SLCO2A1: variants seen among roughly 807,000 people sequenced by gnomAD.
The protein encoded by SLCO2A1 is solute carrier organic anion transporter family member 2A1, also known as matrin F/G 1.
Under a neutral mutation model 71.7 loss-of-function variants are expected in SLCO2A1, and 60 were observed. That is an observed-to-expected ratio of 0.84 (90% confidence interval 0.68 to 1.04). SLCO2A1 has a LOEUF of 1.04. SLCO2A1 is among the 50% of genes least tolerant of loss of function. The pLI is 0.00. For missense variants in SLCO2A1, 745 were observed against 813.4 expected (o/e 0.92, Z 1.02); for synonymous variants, 308 against 326.7 (o/e 0.94, Z 0.62).
In SLCO2A1 at chr3:133,945,348, G is replaced by GA. The variant is rs370382022; in HGVS notation, c.1296-89_1296-88insT. 5.4e-5 allele frequency: 70 copies of GA among 1,294,190 alleles called. 3 individuals carry two copies. The highest frequency in any genetic ancestry group is 2.4e-4 in the African/African-American group (16 of 66,852). The allele number at this position is 1,294,190 out of a possible 1,614,324, so 80.2% of individuals were successfully genotyped here. Reference sequence around the variant, plus strand: ...CAGCCCAGTGTGAGTTCCTGGCCTGGTGAGTGTGTCTGTGCATCTTTATTT... The same window carrying GA: ...CAGCCCAGTGTGAGTTCCTGGCCTGGATGAGTGTGTCTGTGCATCTTTATTT... On this transcript the variant is annotated intron_variant, in intron 9 of 13. Transcript: ENST00000310926.
intron 3 of SLCO2A1, among the ~76,000 whole-genome samples, chr3:133,973,377 C>G (rs1934373978): frequency 6.6e-6 from 1 of 152,192 alleles, no homozygotes; most frequent in South Asian, 2.1e-4. Context: ...CTCCTCCTGC[C>G]AAGCCCCATT....
intron 1 of SLCO2A1, among the ~76,000 whole-genome samples, chr3:133,996,723 G>A (rs76774154): frequency 1.3e-5 from 2 of 152,272 alleles, no homozygotes; most frequent in East Asian, 3.9e-4. Context: ...CAAAAGTGAT[G>A]AGCAGCCCCC....
rs1053148118 is a variant in SLCO2A1, at chr3:133,933,795, C to T, written c.*918G>A. 1 of 152,234 alleles carries T rather than the reference C, an allele frequency of 6.6e-6. No homozygotes were observed. Among genetic ancestry groups the T allele is most frequent in the African/African-American group, 2.4e-5 (1 of 41,450 alleles). The allele number at this position is 152,234 out of a possible 1,614,324, so 9.4% of individuals were successfully genotyped here. ...GACAGGGAAGTGCATGTGAAGCCAC[C>T]TCATCTGCTGCCAGGGAGATGTGGG... On this transcript the variant is annotated 3_prime_UTR_variant, in exon 14 of 14. Coordinates refer to ENST00000310926, the MANE Select transcript of SLCO2A1 (RefSeq NM_005630.3).
chr3:133,980,113 A>C (rs552675979), intron 1 of SLCO2A1, among the ~76,000 whole-genome samples: 1 of 152,310 alleles, frequency 6.6e-6, no homozygotes, highest in South Asian at 2.1e-4. Flanking sequence ...CCTGTCTTCC[A>C]TTCCCAACAC....
intron 11 of SLCO2A1, among the ~76,000 whole-genome samples, chr3:133,941,530 G>A (rs1410870168): frequency 1.3e-5 from 2 of 151,978 alleles, no homozygotes; most frequent in Admixed American, 6.6e-5. Flanking sequence ...CTTGCGAGGT[G>A]AGTGAGGACA....
intron 1 of SLCO2A1, among the ~76,000 whole-genome samples, chr3:134,013,893 C>A (rs1935389767): frequency 1.3e-5 from 2 of 152,028 alleles, no homozygotes; most frequent in African/African-American, 4.8e-5. Flanking sequence ...CCAGACATCT[C>A]CCCTCACGCA....
intron 2 of SLCO2A1, among the ~76,000 whole-genome samples, chr3:133,977,024 G>A (rs969490599): frequency 3.3e-5 from 5 of 152,090 alleles, no homozygotes; most frequent in African/African-American, 7.2e-5. Context: ...GAGGTTCACC[G>A]CACACTCCAC....
rs1455539758 is a variant in SLCO2A1 at position 133,958,533 on chromosome 3, T to C, written c.398-3340A>G. ...GCCCCATGCTCTTCTCAGGACCAAA[T>C]AGGCATGTAGGGGAAAGAGAGCTAA... On this transcript the variant is annotated intron_variant, in intron 3 of 13. Transcript: ENST00000310926. 2.6e-5 allele frequency among the ~76,000 whole-genome samples: 4 copies of C among 152,146 alleles called. No homozygotes were observed. In the East Asian group the frequency reaches 5.8e-4, roughly 22 times the overall value.
At chr3:134,023,132 A>ACAAG (rs1425347878) in intron 1 of SLCO2A1, among the ~76,000 whole-genome samples, 2 of 151,864 alleles carry the variant, frequency 1.3e-5, no homozygotes, top group African/African-American at 4.8e-5. Context: ...AAACAAACAA[A>ACAAG]CAAACAAACA....
intron 1 of SLCO2A1, among the ~76,000 whole-genome samples, chr3:133,996,392 C>T (rs1934964518): frequency 2.0e-5 from 3 of 152,350 alleles, no homozygotes; most frequent in Middle Eastern, 3.4e-3. Flanking sequence ...GCAGGCTGCC[C>T]ACCCCATGAG....
Position 133,955,170 on chromosome 3 carries a change from C to A in SLCO2A1, c.421G>T (p.Glu141Ter), listed in dbSNP as rs148547180. Reference sequence around the variant, plus strand: ...TCCTGCCAATGCTTCTGGCAGAGCTCGGCCTGCAAGCGGCTGTTGTTCCCT... The same window carrying A: ...TCCTGCCAATGCTTCTGGCAGAGCTAGGCCTGCAAGCGGCTGTTGTTCCCT... Reference protein sequence around the residue: ...STGNNSRLQAELCQKHWQDLP... With the variant: ...STGNNSRLQA The change falls in exon 4 of 14, where the codon GAG (glutamate) becomes TAG (stop). Residue 141 changes from glutamate (E) to a stop codon, truncating the protein, a stop_gained. Coordinates refer to ENST00000310926, the MANE Select transcript of SLCO2A1 (RefSeq NM_005630.3). LOFTEE classifies it high-confidence loss of function. 6.2e-7 allele frequency: 1 copy of A among 1,613,724 alleles called. No individual in the cohort carries two copies. The highest frequency in any genetic ancestry group is 8.5e-7 in the Non-Finnish European group (1 of 1,179,868).
rs1933213108 is a variant in SLCO2A1, at chr3:133,934,357, TTC to T, written c.*354_*355del. On this transcript the variant is annotated 3_prime_UTR_variant, in exon 14 of 14. Transcript: ENST00000310926. ...CTGGCAAGAAGGGCAGATACCCTTT[TTC>T]TCTCTCTGTTTAGGATTCCCCCCAG... is the stretch of plus-strand genomic sequence containing the variant. The T allele has an allele frequency of 6.0e-6, 1 of 166,488 alleles. No individual in the cohort carries two copies. The highest frequency in any genetic ancestry group is 2.4e-5 in the African/African-American group (1 of 41,936). The allele number at this position is 166,488 out of a possible 1,614,324, so 10.3% of individuals were successfully genotyped here.
intron 3 of SLCO2A1, among the ~76,000 whole-genome samples, chr3:133,958,543 G>A (rs868751866): frequency 1.3e-5 from 2 of 152,176 alleles, no homozygotes; most frequent in South Asian, 4.1e-4. Flanking sequence ...TAGGCATGTA[G>A]GGGAAAGAGA....
intron 5 of SLCO2A1, 56 bp downstream of exon 5, chr3:133,953,600 AGGGGGCT>A: frequency 7.8e-7 from 1 of 1,282,450 alleles, no homozygotes; most frequent in Non-Finnish European, 1.1e-6. Context: ...TGATTGGATG[AGGGGGCT>A]GGGGGCTGCT....
chr3:133,946,898 T>G (rs1007279453), intron 9 of SLCO2A1, among the ~76,000 whole-genome samples: 1 of 152,080 alleles, frequency 6.6e-6, no homozygotes, highest in South Asian at 2.1e-4. Context: ...GCAGATCACT[T>G]GAGGTCAGGA....
intron 1 of SLCO2A1, among the ~76,000 whole-genome samples, chr3:133,980,271 G>A (rs1934558523): frequency 6.6e-6 from 1 of 152,238 alleles, no homozygotes; most frequent in African/African-American, 2.4e-5. Context: ...GACTGACTGT[G>A]CTTGCTGCCT....
chr3:133,959,997 G>A (rs367671778), intron 3 of SLCO2A1, among the ~76,000 whole-genome samples: 1 of 152,132 alleles, frequency 6.6e-6, no homozygotes, highest in African/African-American at 2.4e-5. Context: ...GCTCGCACTT[G>A]TAGTCCCAGC....
At position 133,951,325 on chromosome 3, in the gene SLCO2A1, C is replaced by G. The variant is rs556416557; in HGVS notation, c.744G>C (p.Pro248=). 60 of 1,614,096 alleles carry G rather than the reference C, an allele frequency of 3.7e-5. No homozygotes were observed. In the Admixed American group the frequency reaches 7.2e-4, roughly 19 times the overall value. Residue 248 remains proline (P), a synonymous_variant, in exon 6 of 14, where the codon CCG becomes CCC. Coordinates refer to ENST00000310926, the MANE Select transcript of SLCO2A1 (RefSeq NM_005630.3). The part of the protein sequence containing the change: ...RVNTAAVNLV[P]GDPRWIGAWW... ...AGGCTCCAATCCATCGGGGGTCACC[C>G]GGGACCAAGTTAACTGCAGCTGAAG...
Position 133,945,113 on chromosome 3 carries a change from A to G in SLCO2A1, c.1443T>C (p.Ser481=). Residue 481 remains serine, a synonymous_variant, in exon 10 of 14, where the codon TCT becomes TCC. Transcript: ENST00000310926. The stretch of plus-strand genomic sequence containing the variant: ...CCCTTACCAGTTGCTTGGAGGTTGC[A>G]GAGCTCATGTTGATGTTGCTGCAGC... ...HAGCSNINMS[S]ATSKQLIYLN... The G allele has an allele frequency of 6.2e-7, 1 of 1,613,440 alleles. No individual in the cohort carries two copies. Among genetic ancestry groups the G allele is most frequent in the South Asian group, 1.1e-5 (1 of 90,972 alleles).
Sources: gnomAD v4.1 joint callset for allele counts (sites outside exome capture counted in the v4.1 genomes callset) on GRCh38, gnomAD v4.1.1 for gene constraint, MANE v1.5 for transcripts, NCBI Gene and HGNC (gene_info 2026-07-23, HGNC 2026-07-21) for gene names.